The following TMEFF2 variants were observed in gnomAD, a reference collection of about 807,000 sequenced individuals.
The protein encoded by TMEFF2 is transmembrane protein with EGF like and two follistatin like domains 2.
In TMEFF2, 28 loss-of-function variants were observed where a neutral mutation model predicts 53.8. The ratio of observed to expected loss-of-function variants is 0.52; its 90% confidence interval spans 0.39 to 0.71. TMEFF2 has a LOEUF of 0.71. TMEFF2 is among the 30% of genes least tolerant of loss of function. The pLI is 0.00. For synonymous variants in TMEFF2, 162 were observed against 166.3 expected, an observed-to-expected ratio of 0.97 and a Z score of 0.20; for missense variants, 353 against 455.2, an observed-to-expected ratio of 0.78 and a Z score of 2.04.
At chr2:191,972,121 T>A (rs1692660640) in intron 7 of TMEFF2, among the ~76,000 whole-genome samples, 1 of 148,894 alleles carries the variant, frequency 6.7e-6, no homozygotes, top group South Asian at 2.2e-4. Context: ...TACACCAAGC[T>A]AAGAAGTATT....
chr2:192,095,419 A>G (rs1688880885), intron 4 of TMEFF2, among the ~76,000 whole-genome samples: 1 of 152,152 alleles, frequency 6.6e-6, no homozygotes, highest in East Asian at 1.9e-4. Flanking sequence ...TGAAGCCATG[A>G]ATTCGAGACC....
intron 4 of TMEFF2, among the ~76,000 whole-genome samples, chr2:192,155,984 C>T (rs1395894612): frequency 6.8e-6 from 1 of 147,102 alleles, no homozygotes; most frequent in Non-Finnish European, 1.5e-5. Context: ...CTCTTGAATA[C>T]AAGAAACATT....
chr2:192,061,083 C>T (rs1335230826), intron 4 of TMEFF2, among the ~76,000 whole-genome samples: 1 of 152,144 alleles, frequency 6.6e-6, no homozygotes, highest in African/African-American at 2.4e-5. Flanking sequence ...TGAATTCCAT[C>T]ACCACCCTGT....
Position 191,950,090 on chromosome 2 carries a change from AAT to A in TMEFF2, c.*219_*220del, listed in dbSNP as rs1691824712. On this transcript the variant is annotated 3_prime_UTR_variant, in exon 10 of 10. Coordinates refer to ENST00000272771, the MANE Select transcript of TMEFF2 (RefSeq NM_016192.4). ...AGAAAAAACTATATTGTGTGATATAAATAGTTTATTTACATTACAGAAAAAAC... is the reference window on the plus strand; with the variant it reads ...AGAAAAAACTATATTGTGTGATATAAAGTTTATTTACATTACAGAAAAAAC... 5.4e-6 allele frequency: 7 copies of A among 1,297,048 alleles called. No individual in the cohort carries two copies. The highest frequency in any genetic ancestry group is 1.5e-5 in the African/African-American group (1 of 66,980). 80.3% of individuals were successfully genotyped at this position (1,297,048 alleles called of 1,614,324 possible).
chr2:192,053,240 C>T (rs1485725472), intron 5 of TMEFF2, among the ~76,000 whole-genome samples: 2 of 151,994 alleles, frequency 1.3e-5, no homozygotes, highest in Non-Finnish European at 2.9e-5. Flanking sequence ...TCTCTTTCCC[C>T]TATTTATTAA....
intron 4 of TMEFF2, among the ~76,000 whole-genome samples, chr2:192,092,549 T>C (rs184067099): frequency 6.6e-6 from 1 of 152,232 alleles, no homozygotes; most frequent in African/African-American, 2.4e-5. Context: ...AACGCTATAG[T>C]AGGCAGAATA....
At chr2:192,008,061 T>C (rs780710256) in intron 5 of TMEFF2, among the ~76,000 whole-genome samples, 8 of 152,184 alleles carry the variant, frequency 5.3e-5, no homozygotes, top group Non-Finnish European at 7.3e-5. Context: ...TCTTTCCTCA[T>C]AGGGAGAGTT....
intron 5 of TMEFF2, among the ~76,000 whole-genome samples, chr2:192,011,988 G>A (rs1271956875): frequency 3.3e-5 from 5 of 152,016 alleles, no homozygotes; most frequent in South Asian, 2.1e-4. Flanking sequence ...CCAAGTTCTC[G>A]CCATTCTCCT....
intron 2 of TMEFF2, among the ~76,000 whole-genome samples, chr2:192,187,984 T>C (rs1182329846): frequency 6.6e-6 from 1 of 152,134 alleles, no homozygotes. Flanking sequence ...TTCCACAGAG[T>C]CTGGCATGTA....
chr2:192,069,411 TAAC>T (rs1376445700), intron 4 of TMEFF2, among the ~76,000 whole-genome samples: 2 of 151,152 alleles, frequency 1.3e-5, no homozygotes, highest in Admixed American at 6.6e-5. Context: ...AAAAAATAGA[TAAC>T]AAGAAGAAAA....
At chr2:192,191,715 A>G (rs1451258664) in intron 2 of TMEFF2, among the ~76,000 whole-genome samples, 165 bp downstream of exon 2, 1 of 152,158 alleles carries the variant, frequency 6.6e-6, no homozygotes, top group African/African-American at 2.4e-5. Flanking sequence ...CAAAAAGCGT[A>G]TGTCTTCTTG....
intron 5 of TMEFF2, among the ~76,000 whole-genome samples, chr2:191,999,625 G>GACTC (rs1686308072): frequency 6.6e-6 from 1 of 151,994 alleles, no homozygotes. Context: ...GTGGAAAACT[G>GACTC]ACTCAGAGGA....
intron 4 of TMEFF2, among the ~76,000 whole-genome samples, chr2:192,112,606 G>A (rs1271913218): frequency 6.6e-6 from 1 of 152,162 alleles, no homozygotes; most frequent in Non-Finnish European, 1.5e-5. Flanking sequence ...AGACTTTAGG[G>A]AACTGTTAGG....
intron 7 of TMEFF2, among the ~76,000 whole-genome samples, chr2:191,966,151 A>C (rs980430944): frequency 6.6e-6 from 1 of 152,206 alleles, no homozygotes; most frequent in Non-Finnish European, 1.5e-5. Flanking sequence ...TAGAAAAGGA[A>C]TCTTAACTTT....
At chr2:192,008,060 A>C (rs1365997865) in intron 5 of TMEFF2, among the ~76,000 whole-genome samples, 1 of 152,178 alleles carries the variant, frequency 6.6e-6, no homozygotes, top group Admixed American at 6.5e-5. Flanking sequence ...TTCTTTCCTC[A>C]TAGGGAGAGT....
intron 4 of TMEFF2, among the ~76,000 whole-genome samples, chr2:192,108,572 A>G (rs1689204482): frequency 6.6e-6 from 1 of 151,964 alleles, no homozygotes; most frequent in Admixed American, 6.6e-5. Flanking sequence ...TGAAAAATTA[A>G]CAATGAGAGG....
chr2:192,129,031 C>T (rs1689746401), intron 4 of TMEFF2, among the ~76,000 whole-genome samples: 1 of 152,112 alleles, frequency 6.6e-6, no homozygotes, highest in Admixed American at 6.5e-5. Context: ...CCTGGGTGCC[C>T]CATAGGAGAG....
At chr2:192,051,161 C>CA (rs1687760948) in intron 5 of TMEFF2, among the ~76,000 whole-genome samples, 1 of 150,960 alleles carries the variant, frequency 6.6e-6, no homozygotes, top group Admixed American at 6.6e-5. Flanking sequence ...AATGTTTTCT[C>CA]AAAAAGCCAT....
intron 7 of TMEFF2, among the ~76,000 whole-genome samples, chr2:191,981,393 T>C (rs1241953406): frequency 6.6e-6 from 1 of 152,152 alleles, no homozygotes; most frequent in Non-Finnish European, 1.5e-5. Flanking sequence ...TCTGAAACAC[T>C]CTTGACTTCC....
Sources: allele counts gnomAD v4.1 joint callset (sites outside exome capture counted in the v4.1 genomes callset), GRCh38; gene constraint gnomAD v4.1.1; transcripts MANE v1.5; gene names NCBI Gene and HGNC (gene_info 2026-07-23, HGNC 2026-07-21).